SMAP1: variants seen among roughly 807,000 people sequenced by gnomAD.
SMAP1 encodes the protein stromal membrane-associated protein 1.
A neutral mutation model predicts 58.5 loss-of-function variants in SMAP1; 24 were observed. The ratio of observed to expected loss-of-function variants is 0.41; its 90% CI spans 0.30 to 0.58. SMAP1 has a LOEUF of 0.58. Among genes scored for constraint, SMAP1 ranks in the 20% least tolerant of loss-of-function variants. SMAP1 has a pLI of 0.29. For synonymous variants in SMAP1, 216 were observed against 196.6 expected, an observed-to-expected ratio of 1.10 and a Z score of -0.82; for missense variants, 563 against 566.3, an observed-to-expected ratio of 0.99 and a Z score of 0.06.
At chr6:70,795,794 A>G (rs769408853) in intron 5 of SMAP1, among the ~76,000 whole-genome samples, 10 of 151,278 alleles carry the variant, frequency 6.6e-5, no homozygotes, top group Admixed American at 5.3e-4. Flanking sequence ...CTGGAGTGCA[A>G]TGGCATGGTC....
intron 6 of SMAP1, among the ~76,000 whole-genome samples, chr6:70,802,539 A>T (rs983417244): frequency 5.3e-5 from 8 of 151,772 alleles, no homozygotes; most frequent in African/African-American, 1.9e-4. Context: ...AACTTCCAAC[A>T]CTGTTGAATA....
intron 6 of SMAP1, among the ~76,000 whole-genome samples, chr6:70,820,180 ATTC>A (rs1267178966): frequency 8.5e-5 from 13 of 152,290 alleles, no homozygotes; most frequent in African/African-American, 3.1e-4. Flanking sequence ...ATGATTTCAA[ATTC>A]TTCTTGTATT....
chr6:70,744,382 T>G (rs1264698271), intron 2 of SMAP1, among the ~76,000 whole-genome samples: 1 of 152,032 alleles, frequency 6.6e-6, no homozygotes, highest in African/African-American at 2.4e-5. Flanking sequence ...GTCCAGGTGA[T>G]CTCATTGTTC....
At chr6:70,736,022 T>C (rs1765604355) in intron 2 of SMAP1, among the ~76,000 whole-genome samples, 1 of 152,174 alleles carries the variant, frequency 6.6e-6, no homozygotes, top group East Asian at 1.9e-4. Flanking sequence ...TGTGTGTGTG[T>C]ATAATTCTGT....
intron 1 of SMAP1, among the ~76,000 whole-genome samples, chr6:70,675,082 A>G (rs1313284402): frequency 1.3e-5 from 2 of 151,536 alleles, no homozygotes; most frequent in Admixed American, 6.6e-5. Flanking sequence ...CTATGTTTAC[A>G]TTGGTAGATT....
intron 4 of SMAP1, among the ~76,000 whole-genome samples, chr6:70,788,733 A>G (rs1015782941): frequency 6.6e-6 from 1 of 152,174 alleles, no homozygotes; most frequent in African/African-American, 2.4e-5. Context: ...GAATGTAGCC[A>G]GGGGAGGAAA....
At chr6:70,766,842 A>G (rs984095801) in intron 3 of SMAP1, among the ~76,000 whole-genome samples, 10 of 152,168 alleles carry the variant, frequency 6.6e-5, no homozygotes, top group African/African-American at 1.9e-4. Flanking sequence ...CCTGAATGAT[A>G]ATGCCTAGGT....
intron 6 of SMAP1, among the ~76,000 whole-genome samples, chr6:70,830,872 T>C (rs1266687745): frequency 6.6e-6 from 1 of 152,204 alleles, no homozygotes; most frequent in African/African-American, 2.4e-5. Flanking sequence ...AAGTAGACTT[T>C]AGAGTGGCCA....
chr6:70,837,782 T>A (rs1770653602), intron 7 of SMAP1: 1 of 1,223,984 alleles, frequency 8.2e-7, no homozygotes, highest in Non-Finnish European at 1.1e-6. Context: ...TTTTTTTAGT[T>A]TGGAGAAAGA....
intron 2 of SMAP1, among the ~76,000 whole-genome samples, chr6:70,744,416 A>G (rs1486217091): frequency 6.6e-6 from 1 of 151,992 alleles, no homozygotes; most frequent in Non-Finnish European, 1.5e-5. Flanking sequence ...GAGTGAGAAC[A>G]TATGGTGTTT....
intron 6 of SMAP1, among the ~76,000 whole-genome samples, chr6:70,812,614 A>G (rs930324244): frequency 6.6e-6 from 1 of 152,206 alleles, no homozygotes; most frequent in Non-Finnish European, 1.5e-5. Flanking sequence ...TAACTTCTTC[A>G]AAACTTAGTA....
intron 1 of SMAP1, among the ~76,000 whole-genome samples, chr6:70,687,462 G>A (rs1210799308): frequency 1.3e-5 from 2 of 152,022 alleles, no homozygotes; most frequent in Non-Finnish European, 2.9e-5. Context: ...TCAATGTAGG[G>A]CATTGAGTAT....
intron 4 of SMAP1, among the ~76,000 whole-genome samples, chr6:70,788,157 G>A (rs963573298): frequency 1.3e-5 from 2 of 151,792 alleles, no homozygotes; most frequent in African/African-American, 4.8e-5. Flanking sequence ...GTAGGGACAT[G>A]GATGAAACTG....
chr6:70,852,649 C>T lies in SMAP1; in HGVS notation c.774C>T (p.Val258=), dbSNP rs1267561865. Residue 258 remains valine, a synonymous_variant, in exon 8 of 11, where the codon GTC becomes GTT. Transcript: ENST00000370455. ...PMISNPLPAT[V]MPPAQGTPSA... ...TTTCTAATCCCTTACCTGCAACTGT[C>T]ATGCCCCCAGCTCAGGTATGTGATA... 1.2e-6 allele frequency: 2 copies of T among 1,606,236 alleles called. No homozygotes were observed. The highest frequency in any genetic ancestry group is 2.7e-5 in the African/African-American group (2 of 74,734).
intron 1 of SMAP1, among the ~76,000 whole-genome samples, chr6:70,719,375 A>G (rs1485252223): frequency 6.6e-6 from 1 of 152,196 alleles, no homozygotes; most frequent in Non-Finnish European, 1.5e-5. Context: ...ATTCATTTTT[A>G]CAAATGGAAG....
chr6:70,671,577 C>G (rs1471531612), intron 1 of SMAP1, among the ~76,000 whole-genome samples: 1 of 152,170 alleles, frequency 6.6e-6, no homozygotes, highest in African/African-American at 2.4e-5. Flanking sequence ...GACTCCGTCT[C>G]AGGGAAAAAC....
chr6:70,674,111 G>A (rs952265393), intron 1 of SMAP1, among the ~76,000 whole-genome samples: 3 of 151,650 alleles, frequency 2.0e-5, no homozygotes, highest in South Asian at 2.1e-4. Context: ...AAGTGCTTTG[G>A]CATTTTTTTT....
chr6:70,682,712 T>G (rs1766769828), intron 1 of SMAP1, among the ~76,000 whole-genome samples: 1 of 152,144 alleles, frequency 6.6e-6, no homozygotes, highest in Admixed American at 6.5e-5. Context: ...CCAGAAGTGT[T>G]GGGACCAGTT....
intron 6 of SMAP1, among the ~76,000 whole-genome samples, chr6:70,803,084 C>T (rs1562172246): frequency 6.6e-6 from 1 of 152,170 alleles, no homozygotes; most frequent in Non-Finnish European, 1.5e-5. Context: ...AGGAATGGTA[C>T]TAGCTCCTCG....
Sources: gnomAD v4.1 joint callset for allele counts (sites outside exome capture counted in the v4.1 genomes callset) on GRCh38, gnomAD v4.1.1 for gene constraint, MANE v1.5 for transcripts, NCBI Gene and HGNC (gene_info 2026-07-23, HGNC 2026-07-21) for gene names.